Variants in DSCAM observed in about 807,000 individuals in gnomAD.
DSCAM encodes cell adhesion molecule DSCAM.
A neutral mutation model predicts 217.7 loss-of-function variants in DSCAM; 47 were observed. That is an observed-to-expected ratio of 0.22 (90% confidence interval 0.17 to 0.28). The LOEUF (loss-of-function observed/expected upper bound fraction) is 0.28. Ranked by LOEUF, DSCAM falls within the 10% of genes least tolerant of loss-of-function variation. DSCAM has a pLI of 1.00. For synonymous variants in DSCAM, 1,056 were observed against 1,015.3 expected, an observed-to-expected ratio of 1.04 and a Z score of -0.76; for missense variants, 2,080 against 2,618.3, an observed-to-expected ratio of 0.79 and a Z score of 4.49.
intron 3 of DSCAM, among the ~76,000 whole-genome samples, chr21:40,525,910 T>C (rs1180545286): frequency 6.6e-6 from 1 of 152,016 alleles, no homozygotes; most frequent in African/African-American, 2.4e-5. Flanking sequence ...ATAGATAAGG[T>C]GGGCTCCTGG....
chr21:40,111,003 C>T (rs1262722644), intron 20 of DSCAM, among the ~76,000 whole-genome samples: 2 of 152,148 alleles, frequency 1.3e-5, no homozygotes, highest in East Asian at 3.9e-4. Context: ...AGGATATTAT[C>T]CAGGAGAATT....
chr21:40,187,124 A>G lies in DSCAM; in HGVS notation c.2779+7T>C. 1.2e-6 allele frequency: 2 copies of G among 1,612,790 alleles called. No individual in the cohort carries two copies. The highest frequency in any genetic ancestry group is 1.7e-6 in the Non-Finnish European group (2 of 1,179,496). ...GGAAGGGAAGCTGGAGGAAGTAAAG[A>G]ACTTACCTGATTTATTTTTGCATTC... On this transcript the variant is annotated splice_region_variant and intron_variant, in intron 14 of 32. Coordinates refer to ENST00000400454, the MANE Select transcript of DSCAM (RefSeq NM_001389.5).
intron 9 of DSCAM, among the ~76,000 whole-genome samples, chr21:40,304,012 C>T (rs146659761): frequency 9.9e-4 from 151 of 152,230 alleles, no homozygotes; most frequent in African/African-American, 3.4e-3. Context: ...AAGCCTAATG[C>T]GTTATTTCTA....
intron 3 of DSCAM, among the ~76,000 whole-genome samples, chr21:40,493,098 A>G (rs931326615): frequency 6.6e-6 from 1 of 152,238 alleles, no homozygotes; most frequent in African/African-American, 2.4e-5. Context: ...ATGCTGAAAG[A>G]AAAAACTGCC....
chr21:40,359,607 G>A (rs2074735549), intron 4 of DSCAM, among the ~76,000 whole-genome samples: 1 of 152,184 alleles, frequency 6.6e-6, no homozygotes, highest in Non-Finnish European at 1.5e-5. Context: ...ACCAAATGCA[G>A]TATTTACAGA....
chr21:40,443,876 C>T (rs61005733), intron 3 of DSCAM, among the ~76,000 whole-genome samples: 4 of 152,094 alleles, frequency 2.6e-5, no homozygotes, highest in Non-Finnish European at 2.9e-5. Context: ...GTATTCCTAT[C>T]CACTTTACAA....
At chr21:40,083,334 C>A (rs1306638880) in intron 24 of DSCAM, among the ~76,000 whole-genome samples, 1 of 152,210 alleles carries the variant, frequency 6.6e-6, no homozygotes, top group East Asian at 1.9e-4. Flanking sequence ...GAGGTTGAGG[C>A]AGAAGAATCA....
chr21:40,600,615 C>T (rs567421006), intron 3 of DSCAM, among the ~76,000 whole-genome samples: 2 of 152,280 alleles, frequency 1.3e-5, no homozygotes, highest in East Asian at 1.9e-4. Context: ...GTTACCTAGA[C>T]TTCCTCCTAT....
intron 6 of DSCAM, among the ~76,000 whole-genome samples, chr21:40,342,905 G>C (rs1485457371): frequency 6.6e-6 from 1 of 151,036 alleles, no homozygotes; most frequent in Non-Finnish European, 1.5e-5. Context: ...AATCGTTTTA[G>C]AGAGAATTGT....
chr21:40,244,453 G>T (rs1394274717), intron 11 of DSCAM, among the ~76,000 whole-genome samples: 2 of 99,890 alleles, frequency 2.0e-5, no homozygotes, highest in Admixed American at 2.2e-4. Context: ...TCCGTCTCCG[G>T]AAAAAAAAAA....
chr21:40,739,039 G>A (rs2091095341), intron 1 of DSCAM, among the ~76,000 whole-genome samples: 1 of 152,228 alleles, frequency 6.6e-6, no homozygotes, highest in African/African-American at 2.4e-5. Context: ...TGCTTTTACA[G>A]AGCTGGCTGT....
intron 8 of DSCAM, among the ~76,000 whole-genome samples, chr21:40,325,326 T>C (rs1408794136): frequency 1.3e-5 from 2 of 152,166 alleles, no homozygotes; most frequent in Non-Finnish European, 2.9e-5. Context: ...TGACTCGATA[T>C]AGATAGAAAA....
rs189116989 is a variant in DSCAM, at chr21:40,063,727, T to C, written c.4889-828A>G. 8.5e-5 allele frequency among the ~76,000 whole-genome samples: 13 copies of C among 152,316 alleles called. 1 individual carries two copies. The highest frequency in any genetic ancestry group is 2.4e-4 in the African/African-American group (10 of 41,578). The stretch of plus-strand genomic sequence containing the variant: ...GCTGACAGTGTGACCAGCTCTGCAG[T>C]GAAAGTATACGTATGTGGGAGCATT... On this transcript the variant is annotated intron_variant, in intron 27 of 32. Transcript: ENST00000400454.
intron 3 of DSCAM, among the ~76,000 whole-genome samples, chr21:40,497,096 A>G (rs2076124809): frequency 6.6e-6 from 1 of 152,182 alleles, no homozygotes; most frequent in Non-Finnish European, 1.5e-5. Context: ...TCTTCAAAAA[A>G]TCAAAAATAG....
intron 1 of DSCAM, among the ~76,000 whole-genome samples, chr21:40,797,098 A>G (rs1188292848): frequency 2.6e-5 from 4 of 152,186 alleles, no homozygotes; most frequent in African/African-American, 9.6e-5. Context: ...ACAAATAAAC[A>G]TTAGGGCCTA....
chr21:40,395,397 C>T (rs1328104508), intron 3 of DSCAM, among the ~76,000 whole-genome samples: 1 of 150,678 alleles, frequency 6.6e-6, no homozygotes, highest in African/African-American at 2.4e-5. Context: ...TGTAAAATGA[C>T]GCATGTTTTT....
intron 3 of DSCAM, among the ~76,000 whole-genome samples, chr21:40,425,809 G>A (rs999144900): frequency 1.3e-5 from 2 of 151,246 alleles, no homozygotes; most frequent in Non-Finnish European, 2.9e-5. Flanking sequence ...CCTTCAGCAT[G>A]TATATACACA....
At chr21:40,749,372 A>C (rs1190034773) in intron 1 of DSCAM, among the ~76,000 whole-genome samples, 2 of 152,202 alleles carry the variant, frequency 1.3e-5, no homozygotes, top group African/African-American at 4.8e-5. Context: ...AAACAACTCA[A>C]TATCAAAAAA....
intron 4 of DSCAM, among the ~76,000 whole-genome samples, chr21:40,363,214 CT>C (rs935134042): frequency 3.5e-5 from 5 of 140,900 alleles, no homozygotes; most frequent in Admixed American, 1.4e-4. Context: ...AAAATTCATA[CT>C]TTTTTTTTGA....
Sources: allele counts gnomAD v4.1 joint callset (sites outside exome capture counted in the v4.1 genomes callset), GRCh38; gene constraint gnomAD v4.1.1; transcripts MANE v1.5; gene names NCBI Gene and HGNC (gene_info 2026-07-23, HGNC 2026-07-21).